Variants in KATNIP observed in about 807,000 individuals in gnomAD.
KATNIP encodes the protein katanin interacting protein, also known as katanin-interacting protein.
Under a neutral mutation model 174.0 loss-of-function variants are expected in KATNIP, and 126 were observed. That is an observed-to-expected ratio of 0.72 (90% CI 0.63 to 0.84). The LOEUF is 0.84. Among genes scored for constraint, KATNIP ranks in the 40% least tolerant of loss-of-function variants. KATNIP has a pLI of 0.00. For missense variants in KATNIP, 1,958 were observed against 2,109.7 expected, an observed-to-expected ratio of 0.93 and a Z score of 1.41; for synonymous variants, 810 against 835.7, an observed-to-expected ratio of 0.97 and a Z score of 0.53.
chr16:27,741,751 A>G (rs1251014716), intron 15 of KATNIP, among the ~76,000 whole-genome samples: 1 of 152,024 alleles, frequency 6.6e-6, no homozygotes, highest in African/African-American at 2.4e-5. Context: ...AAAAATACAA[A>G]AATTAGCCAG....
chr16:27,642,264 A>T (rs893353700), intron 5 of KATNIP, among the ~76,000 whole-genome samples: 1 of 152,182 alleles, frequency 6.6e-6, no homozygotes, highest in Non-Finnish European at 1.5e-5. Flanking sequence ...TGTCCTTTGT[A>T]GGGACATGGA....
chr16:27,778,531 TGA>T, intron 27 of KATNIP, 41 bp from the exon 28 acceptor site: 2 of 1,600,608 alleles, frequency 1.2e-6, no homozygotes, highest in Non-Finnish European at 1.7e-6. Flanking sequence ...CTCCAGGGTT[TGA>T]GACTTAGTAA....
At chr16:27,572,362 AACACACACACACACACAC>A (rs3056269) in intron 1 of KATNIP, among the ~76,000 whole-genome samples, 35 of 138,148 alleles carry the variant, frequency 2.5e-4, no homozygotes, top group Non-Finnish European at 4.5e-4. Context: ...CAAAAAAGAA[AACACACACACACACACAC>A]ACACACACAC....
chr16:27,751,930 A>G lies in KATNIP; in HGVS notation c.3552+6A>G, dbSNP rs2081535095. ...GCTTGGGGGCTGATGAACGGGTAGG[A>G]CTGGAGCTGGGGGGCTGTGGGGGGA... On this transcript the variant is annotated splice_donor_region_variant and intron_variant, in intron 17 of 27. Coordinates refer to ENST00000261588, the MANE Select transcript of KATNIP (RefSeq NM_015202.5). 6.2e-7 allele frequency: 1 copy of G among 1,601,026 alleles called. No individual in the cohort carries two copies. The highest frequency in any genetic ancestry group is 1.7e-5 in the Admixed American group (1 of 59,612).
At chr16:27,589,774 TTTTTA>T (rs888655609) in intron 2 of KATNIP, among the ~76,000 whole-genome samples, 7 of 152,004 alleles carry the variant, frequency 4.6e-5, no homozygotes, top group East Asian at 3.8e-4. Context: ...TTCTTTTACT[TTTTTA>T]TTTTATTTTA....
intron 6 of KATNIP, among the ~76,000 whole-genome samples, chr16:27,656,343 A>G (rs909836057): frequency 6.9e-6 from 1 of 145,566 alleles, no homozygotes; most frequent in African/African-American, 2.5e-5. Context: ...ACTTGAGCCC[A>G]GGAGGTTGAG....
At chr16:27,685,237 A>C (rs1411374317) in intron 8 of KATNIP, 1 of 152,184 alleles carries the variant, frequency 6.6e-6, no homozygotes, top group East Asian at 1.9e-4. Context: ...AACACACACA[A>C]AAAATTACCT....
At chr16:27,630,383 G>A (rs1441151357) in intron 4 of KATNIP, among the ~76,000 whole-genome samples, 1 of 152,320 alleles carries the variant, frequency 6.6e-6, no homozygotes, top group African/African-American at 2.4e-5. Context: ...CACAGACATG[G>A]TAAGATCCCA....
chr16:27,686,643 C>T (rs972465748), intron 8 of KATNIP, among the ~76,000 whole-genome samples: 1 of 151,828 alleles, frequency 6.6e-6, no homozygotes, highest in Non-Finnish European at 1.5e-5. Context: ...TTTGTTTTTC[C>T]TGTTTTATGT....
At chr16:27,644,203 G>A (rs1454614106) in intron 5 of KATNIP, 1 of 151,826 alleles carries the variant, frequency 6.6e-6, no homozygotes, top group African/African-American at 2.4e-5. Flanking sequence ...TGTATTTTTG[G>A]TAGAGACAGG....
intron 2 of KATNIP, among the ~76,000 whole-genome samples, chr16:27,592,270 C>CTTTTTTTTT (rs71137799): frequency 6.7e-5 from 3 of 44,822 alleles, no homozygotes; most frequent in African/African-American, 1.9e-4. Context: ...GCATATATTA[C>CTTTTTTTTT]TTTTTTTTTT....
chr16:27,700,832 G>C (rs1314880069), intron 10 of KATNIP, among the ~76,000 whole-genome samples: 1 of 152,216 alleles, frequency 6.6e-6, no homozygotes, highest in Non-Finnish European at 1.5e-5. Context: ...GCTGTTTGCT[G>C]TTTGCATTGC....
At chr16:27,744,615 G>A (rs920530315) in intron 15 of KATNIP, among the ~76,000 whole-genome samples, 1 of 150,640 alleles carries the variant, frequency 6.6e-6, no homozygotes, top group Non-Finnish European at 1.5e-5. Flanking sequence ...GGGCACAGTG[G>A]CTGTTGCCTG....
At chr16:27,761,965 C>A (rs79546400) in intron 19 of KATNIP, among the ~76,000 whole-genome samples, 1 of 152,168 alleles carries the variant, frequency 6.6e-6, no homozygotes, top group African/African-American at 2.4e-5. Flanking sequence ...CCAGGCCTCC[C>A]GGGGGCTGAA....
chr16:27,656,089 T>C (rs767615349), intron 6 of KATNIP, among the ~76,000 whole-genome samples: 44 of 152,016 alleles, frequency 2.9e-4, no homozygotes, highest in Non-Finnish European at 5.6e-4. Context: ...CAAACCCAAA[T>C]TGAGGGGGAT....
intron 14 of KATNIP, among the ~76,000 whole-genome samples, chr16:27,730,235 G>A (rs9938187): frequency 0.17 from 25,927 of 152,268 alleles, 2,434 homozygotes; most frequent in African/African-American, 0.24. Flanking sequence ...GTAGACTTCC[G>A]CTGGATCACA....
At chr16:27,718,576 C>G (rs1229809810) in intron 13 of KATNIP, 2 of 152,284 alleles carry the variant, frequency 1.3e-5, no homozygotes, top group Non-Finnish European at 2.9e-5. Context: ...GTTATTCCTC[C>G]TGCTGACAGA....
At chr16:27,736,069 C>G (rs2080884295) in intron 14 of KATNIP, among the ~76,000 whole-genome samples, 1 of 152,240 alleles carries the variant, frequency 6.6e-6, no homozygotes, top group South Asian at 2.1e-4. Flanking sequence ...ATGGCACGAT[C>G]TCAGCTCACT....
chr16:27,763,680 A>AT (rs2082030536), intron 19 of KATNIP, among the ~76,000 whole-genome samples: 1 of 151,926 alleles, frequency 6.6e-6, no homozygotes, highest in South Asian at 2.1e-4. Flanking sequence ...AAATTACCAG[A>AT]TATCTAGCAG....
Sources: gnomAD v4.1 joint callset for allele counts (sites outside exome capture counted in the v4.1 genomes callset) on GRCh38, gnomAD v4.1.1 for gene constraint, MANE v1.5 for transcripts, NCBI Gene and HGNC (gene_info 2026-07-23, HGNC 2026-07-21) for gene names.